Variants in PREX2 observed in about 807,000 individuals in gnomAD.
PREX2 encodes the protein phosphatidylinositol 3,4,5-trisphosphate-dependent Rac exchanger 2 protein.
PREX2 carries 107 observed loss-of-function variants against 203.2 expected under a neutral mutation model. That is an observed-to-expected ratio of 0.53 (90% confidence interval 0.45 to 0.62). PREX2 has a LOEUF of 0.62. PREX2 is among the 20% of genes least tolerant of loss of function. PREX2 has a pLI of 0.00. For missense variants in PREX2, 1,777 were observed against 1,955.9 expected (o/e 0.91, Z 1.72); for synonymous variants, 672 against 663.6 (o/e 1.01, Z -0.19).
intron 27 of PREX2, chr8:68,118,869 T>C (rs1250418595): frequency 3.0e-6 from 2 of 668,482 alleles, no homozygotes; most frequent in Non-Finnish European, 2.8e-6. Context: ...GCAAACTAAT[T>C]GTAATCTTCA....
At chr8:68,102,761 C>T in intron 23 of PREX2, 1 of 496,142 alleles carries the variant, frequency 2.0e-6, no homozygotes, top group Admixed American at 2.2e-5. Flanking sequence ...CAGTTGATTG[C>T]TATAGTTTCT....
intron 39 of PREX2, among the ~76,000 whole-genome samples, chr8:68,229,722 C>A (rs184847179): frequency 1.3e-5 from 2 of 152,202 alleles, no homozygotes; most frequent in Non-Finnish European, 2.9e-5. Context: ...CAGCCCAGAT[C>A]TCATGGGGCA....
At chr8:68,205,133 T>C (rs1812592707) in intron 37 of PREX2, among the ~76,000 whole-genome samples, 1 of 152,158 alleles carries the variant, frequency 6.6e-6, no homozygotes, top group African/African-American at 2.4e-5. Flanking sequence ...TATCAATAAA[T>C]ATTGGGAGGT....
intron 23 of PREX2, chr8:68,105,314 G>A: frequency 7.3e-7 from 1 of 1,367,670 alleles, no homozygotes; most frequent in South Asian, 1.1e-5. Context: ...GCATTCCTGA[G>A]GACCTTCCTT....
At chr8:68,076,101 T>G (rs1324082439) in intron 14 of PREX2, among the ~76,000 whole-genome samples, 2 of 152,186 alleles carry the variant, frequency 1.3e-5, no homozygotes, top group African/African-American at 4.8e-5. Context: ...CAGAGAATTT[T>G]GATACATTAT....
At chr8:68,199,840 C>CT (rs1183723158) in intron 37 of PREX2, among the ~76,000 whole-genome samples, 1 of 152,128 alleles carries the variant, frequency 6.6e-6, no homozygotes, top group Admixed American at 6.6e-5. Flanking sequence ...AATGCAGAAT[C>CT]TTTTTAAAGT....
chr8:68,127,986 A>G (rs1810929664), intron 31 of PREX2, among the ~76,000 whole-genome samples: 1 of 152,202 alleles, frequency 6.6e-6, no homozygotes, highest in Non-Finnish European at 1.5e-5. Flanking sequence ...TGGCATATAG[A>G]TATTCAACAA....
chr8:68,212,576 G>A (rs1812759862), intron 37 of PREX2, among the ~76,000 whole-genome samples: 1 of 152,124 alleles, frequency 6.6e-6, no homozygotes, highest in Non-Finnish European at 1.5e-5. Context: ...AGTAACACAA[G>A]CATTATAAAA....
At chr8:67,983,253 G>C (rs1264145485) in intron 1 of PREX2, among the ~76,000 whole-genome samples, 1 of 100,092 alleles carries the variant, frequency 1.0e-5, no homozygotes, top group Non-Finnish European at 2.2e-5. Flanking sequence ...AATGGTGAAA[G>C]AAACAAACTA....
chr8:68,118,355 CAA>C (rs370448093), intron 26 of PREX2, among the ~76,000 whole-genome samples, 193 bp from the exon 27 acceptor site: 53 of 82,510 alleles, frequency 6.4e-4, no homozygotes, highest in Admixed American at 8.0e-4. Flanking sequence ...ACTCCGTCTC[CAA>C]AAAAAAAAAA....
intron 20 of PREX2, among the ~76,000 whole-genome samples, chr8:68,092,240 T>G (rs1388077961): frequency 6.6e-6 from 1 of 152,296 alleles, no homozygotes; most frequent in East Asian, 1.9e-4. Context: ...ACAAACCAAA[T>G]CACGTGGCCA....
chr8:68,206,550 G>A (rs1284063761), intron 37 of PREX2, among the ~76,000 whole-genome samples: 1 of 152,174 alleles, frequency 6.6e-6, no homozygotes. Context: ...AGTACACAAA[G>A]TGCTGGGTCC....
intron 25 of PREX2, among the ~76,000 whole-genome samples, chr8:68,113,597 A>C (rs1026341907): frequency 4.6e-5 from 7 of 152,242 alleles, no homozygotes; most frequent in African/African-American, 1.4e-4. Flanking sequence ...GCAATGTAAC[A>C]TAGCTCCTTC....
intron 25 of PREX2, among the ~76,000 whole-genome samples, chr8:68,114,010 C>T (rs761102362): frequency 1.3e-5 from 2 of 151,980 alleles, no homozygotes. Flanking sequence ...TACAGGCTTC[C>T]ACCACCACAC....
intron 1 of PREX2, among the ~76,000 whole-genome samples, chr8:68,013,972 G>C (rs1807340261): frequency 6.6e-6 from 1 of 152,134 alleles, no homozygotes; most frequent in South Asian, 2.1e-4. Context: ...TTTTGAGAAC[G>C]ATCTACTATG....
chr8:68,159,792 A>C (rs1406593914), intron 35 of PREX2, among the ~76,000 whole-genome samples: 2 of 152,206 alleles, frequency 1.3e-5, no homozygotes, highest in African/African-American at 2.4e-5. Flanking sequence ...AAAAAAGAAT[A>C]CAGATTTTTG....
rs1808092555 is a variant in PREX2, at chr8:68,038,222, T to G, written c.769T>G (p.Ser257Ala). 1 of 1,613,516 alleles carries G rather than the reference T, an allele frequency of 6.2e-7. No homozygotes were observed. Residue 257 changes from serine to alanine, a missense_variant, in exon 7 of 40, where the codon TCT becomes GCT. Physicochemically the swap from Ser to Ala is moderately conservative, Grantham distance 99. Transcript: ENST00000288368. The part of the protein sequence containing the change: ...LMCGVLLKIS[S>A]GNIQERVFFL... ...GTGTGGAGTCTTACTGAAAATTTCT[T>G]CTGGAAATATTCAAGAACGGGTGTT...
chr8:68,001,804 AGCTGAAG>A (rs1436506538), intron 1 of PREX2, among the ~76,000 whole-genome samples: 1 of 152,218 alleles, frequency 6.6e-6, no homozygotes, highest in Non-Finnish European at 1.5e-5. Context: ...ACATAGATAG[AGCTGAAG>A]GCCATTGTCC....
intron 37 of PREX2, 130 bp downstream of exon 37, chr8:68,192,655 T>C (rs1812321262): frequency 1.5e-6 from 1 of 667,540 alleles, no homozygotes; most frequent in Non-Finnish European, 2.4e-6. Context: ...TGGAATAAGA[T>C]TTTGGACGTT....
Sources: gnomAD v4.1 joint callset for allele counts (sites outside exome capture counted in the v4.1 genomes callset) on GRCh38, gnomAD v4.1.1 for gene constraint, MANE v1.5 for transcripts, NCBI Gene and HGNC (gene_info 2026-07-23, HGNC 2026-07-21) for gene names.